Variants in ACYP2 observed in about 807,000 individuals in gnomAD.
The protein encoded by ACYP2 is acylphosphatase-2.
A neutral mutation model predicts 11.2 loss-of-function variants in ACYP2; 12 were observed. That is an observed-to-expected ratio of 1.08 (90% CI 0.69 to 1.74). ACYP2 has a LOEUF of 1.74. ACYP2 is among the 40% of genes most tolerant of loss of function. The pLI is 0.00. For synonymous variants in ACYP2, 43 were observed against 32.2 expected (o/e 1.33, Z -1.13); for missense variants, 134 against 101.9 (o/e 1.31, Z -1.35).
intron 6 of ACYP2, among the ~76,000 whole-genome samples, chr2:54,269,227 C>T (rs1410446523): frequency 6.6e-6 from 1 of 152,168 alleles, no homozygotes; most frequent in Non-Finnish European, 1.5e-5. Flanking sequence ...GGATTACAGG[C>T]ATGAGCCACT....
At chr2:54,124,820 A>G (rs1680379508) in intron 4 of ACYP2, among the ~76,000 whole-genome samples, 1 of 151,996 alleles carries the variant, frequency 6.6e-6, no homozygotes, top group South Asian at 2.1e-4. Flanking sequence ...CCCCCACTCT[A>G]TCCTCCCTAA....
intron 6 of ACYP2, among the ~76,000 whole-genome samples, chr2:54,145,046 G>A (rs1681821519): frequency 6.6e-6 from 1 of 151,838 alleles, no homozygotes; most frequent in African/African-American, 2.4e-5. Context: ...GGTAGTAATT[G>A]TTCCTTCCTT....
At chr2:54,152,115 CT>C (rs59900871) in intron 6 of ACYP2, among the ~76,000 whole-genome samples, 7,476 of 106,766 alleles carry the variant, frequency 0.07, 178 homozygotes, top group African/African-American at 0.15. Context: ...AGGGTTGACT[CT>C]TTTTTTTTTT....
chr2:54,115,338 A>C (rs1218364691), intron 4 of ACYP2: 2 of 498,648 alleles, frequency 4.0e-6, no homozygotes, highest in Non-Finnish European at 7.0e-6. Context: ...GGGGGAAGCC[A>C]CTCTTTTTTT....
chr2:54,096,026 G>A (rs1296783834), intron 4 of ACYP2, among the ~76,000 whole-genome samples: 10 of 80,262 alleles, frequency 1.2e-4, no homozygotes, highest in Non-Finnish European at 1.5e-4. Flanking sequence ...CCTCCCTCCC[G>A]GACGGGGCGG....
chr2:54,039,664 C>T (rs1021315735), intron 2 of ACYP2, among the ~76,000 whole-genome samples: 8 of 152,086 alleles, frequency 5.3e-5, no homozygotes, highest in Non-Finnish European at 7.4e-5. Context: ...TCGATCCACC[C>T]ACCTCAGCCT....
chr2:54,201,427 G>T (rs1282554548), intron 6 of ACYP2, among the ~76,000 whole-genome samples: 1 of 151,690 alleles, frequency 6.6e-6, no homozygotes, highest in African/African-American at 2.4e-5. Flanking sequence ...TTTAATTGTC[G>T]AATAGTAAGA....
intron 6 of ACYP2, among the ~76,000 whole-genome samples, chr2:54,157,224 T>C (rs1215622174): frequency 6.6e-6 from 1 of 152,186 alleles, no homozygotes; most frequent in African/African-American, 2.4e-5. Context: ...ATATTGAAAA[T>C]ACATGTAATA....
At chr2:54,121,356 G>A (rs1203632436) in intron 4 of ACYP2, among the ~76,000 whole-genome samples, 2 of 152,120 alleles carry the variant, frequency 1.3e-5, no homozygotes, top group South Asian at 4.1e-4. Flanking sequence ...AAAAGGCATC[G>A]AGGAAGTTCT....
At chr2:54,170,612 G>A (rs777530488) in intron 6 of ACYP2, among the ~76,000 whole-genome samples, 3 of 151,356 alleles carry the variant, frequency 2.0e-5, no homozygotes, top group Non-Finnish European at 2.9e-5. Flanking sequence ...TCTCTTAGGC[G>A]GTTGGAAGTA....
At chr2:54,072,513 T>TTTTTTCCTCTTTCTTTCTTTCC (rs148411653) in intron 4 of ACYP2, among the ~76,000 whole-genome samples, 1 of 146,056 alleles carries the variant, frequency 6.8e-6, no homozygotes. Context: ...CTCTCTCTCT[T>TTTTTTCCTCTTTCTTTCTTTCC]TCTTTCTTCT....
chr2:54,228,207 G>C (rs1163429031), intron 6 of ACYP2, among the ~76,000 whole-genome samples: 1 of 152,184 alleles, frequency 6.6e-6, no homozygotes, highest in Non-Finnish European at 1.5e-5. Flanking sequence ...TATGGAAGTG[G>C]ATCAGAAATT....
chr2:54,102,884 C>G (rs1451063334), intron 4 of ACYP2, among the ~76,000 whole-genome samples: 1 of 152,136 alleles, frequency 6.6e-6, no homozygotes, highest in Non-Finnish European at 1.5e-5. Flanking sequence ...TCTCATGGGT[C>G]TCAAAGGGAA....
chr2:54,016,341 A>G (rs1305640456), intron 2 of ACYP2, among the ~76,000 whole-genome samples: 2 of 151,870 alleles, frequency 1.3e-5, no homozygotes, highest in East Asian at 1.9e-4. Context: ...TTTTTGATTC[A>G]TTAGTTACAT....
chr2:54,015,164 T>G (rs1254373697), intron 2 of ACYP2, among the ~76,000 whole-genome samples: 2 of 150,888 alleles, frequency 1.3e-5, no homozygotes, highest in South Asian at 2.1e-4. Flanking sequence ...GTCAGGTATT[T>G]GAGATCAGCC....
At chr2:54,012,517 C>G (rs755116305) in intron 2 of ACYP2, among the ~76,000 whole-genome samples, 1 of 152,122 alleles carries the variant, frequency 6.6e-6, no homozygotes, top group Non-Finnish European at 1.5e-5. Flanking sequence ...CTGTCTCAAT[C>G]AATCAATCAA....
At chr2:54,206,801 A>G (rs1685087616) in intron 6 of ACYP2, among the ~76,000 whole-genome samples, 1 of 152,226 alleles carries the variant, frequency 6.6e-6, no homozygotes, top group South Asian at 2.1e-4. Flanking sequence ...AATGAAAGCT[A>G]TAAACCATAG....
chr2:54,132,060 G>A (rs762848333), intron 4 of ACYP2, among the ~76,000 whole-genome samples: 1 of 152,142 alleles, frequency 6.6e-6, no homozygotes, highest in African/African-American at 2.4e-5. Context: ...GCCTGTTAGC[G>A]GTTGAGGAAC....
intron 4 of ACYP2, among the ~76,000 whole-genome samples, chr2:54,094,419 G>A (rs542786986): frequency 4.9e-4 from 75 of 151,668 alleles, no homozygotes; most frequent in Non-Finnish European, 8.8e-4. Context: ...TAGTAGAGAC[G>A]GGGTTTCACA....
Sources: gnomAD v4.1 joint callset for allele counts (sites outside exome capture counted in the v4.1 genomes callset) on GRCh38, gnomAD v4.1.1 for gene constraint, MANE v1.5 for transcripts, NCBI Gene and HGNC (gene_info 2026-07-23, HGNC 2026-07-21) for gene names.